LAD1: variants seen among roughly 807,000 people sequenced by gnomAD.
LAD1 encodes the protein ladinin 1, also known as ladinin-1.
In LAD1, 53 loss-of-function variants were observed where a neutral mutation model predicts 54.2. The ratio of observed to expected loss-of-function variants is 0.98; its 90% confidence interval spans 0.78 to 1.23. LAD1 has a LOEUF of 1.23. LAD1 is among the 50% of genes most tolerant of loss of function. LAD1 has a pLI of 0.00. For synonymous variants in LAD1, 231 were observed against 257.7 expected (o/e 0.90, Z 0.99); for missense variants, 637 against 653.3 (o/e 0.98, Z 0.27).
chr1:201,385,673 C>T (rs372987032), intron 4 of LAD1, 28 bp downstream of exon 4: 63 of 1,546,572 alleles, frequency 4.1e-5, no homozygotes, highest in South Asian at 3.5e-4. Context: ...TCCAGTGGCT[C>T]GCAGACCAGG....
chr1:201,388,155 T>G (rs921392897), intron 2 of LAD1, among the ~76,000 whole-genome samples: 2 of 152,206 alleles, frequency 1.3e-5, no homozygotes, highest in African/African-American at 2.4e-5. Context: ...CACTGGGAAG[T>G]TGAGGCTGGT....
intron 1 of LAD1, among the ~76,000 whole-genome samples, chr1:201,390,875 C>G (rs536341992): frequency 1.1e-4 from 17 of 152,260 alleles, no homozygotes; most frequent in Non-Finnish European, 2.4e-4. Flanking sequence ...CCTCCATCAC[C>G]GGGGGTGACT....
chr1:201,382,969 T>A lies in LAD1; in HGVS notation c.1386+105A>T, dbSNP rs898604385. 5 of 1,356,984 alleles carry A rather than the reference T, an allele frequency of 3.7e-6. No individual in the cohort carries two copies. In the African/African-American group the frequency reaches 7.4e-5, roughly 20 times the overall value. 84.1% of individuals were successfully genotyped at this position (1,356,984 alleles called of 1,614,324 possible). A position where few individuals can be genotyped will look rare whatever the true frequency, so the allele number is the denominator to read the frequency against. On this transcript the variant is annotated intron_variant, in intron 7 of 9. Coordinates refer to ENST00000391967, the MANE Select transcript of LAD1 (RefSeq NM_005558.4). ...CAAATGGAGGTTCTGCCAACATTAA[T>A]TGACACATGAAAACAGTTTTCTAGC...
Position 201,386,554 on chromosome 1 carries a change from T to G in LAD1, c.807A>C (p.Ser269=), listed in dbSNP as rs977499811. 3 of 1,613,368 alleles carry G rather than the reference T, an allele frequency of 1.9e-6. No homozygotes were observed. The highest frequency in any genetic ancestry group is 2.5e-6 in the Non-Finnish European group (3 of 1,179,770). Reference sequence around the variant, plus strand: ...TAGCATCTGCAGTTGGGCTCTTCTCTGAGGCCAGTGCCTTCTCAAAGATGG... The same window carrying G: ...TAGCATCTGCAGTTGGGCTCTTCTCGGAGGCCAGTGCCTTCTCAAAGATGG... ...KASIFEKALA[S]EKSPTADAKP... The change falls in exon 3 of 10, where the codon TCA becomes TCC. Residue 269 remains serine (S), a synonymous_variant. Transcript: ENST00000391967.
rs1309081413 is a variant in LAD1, at chr1:201,387,234, T to TA, written c.183-57dup. The stretch of plus-strand genomic sequence containing the variant: ...GGATAGAGGTGGAAGATACCCTAAG[T>TA]ATACCTAACCCAATGGAGATGCTGC... On this transcript the variant is annotated intron_variant, in intron 2 of 9. Transcript: ENST00000391967. 1.3e-4 allele frequency: 186 copies of TA among 1,451,248 alleles called. No individual in the cohort carries two copies. The Middle Eastern group carries it at 3.8e-3, about 30-fold the overall frequency. The allele number at this position is 1,451,248 out of a possible 1,614,324, so 89.9% of individuals were successfully genotyped here. A position where few individuals can be genotyped will look rare whatever the true frequency, so the allele number is the denominator to read the frequency against.
chr1:201,389,183 G>T lies in LAD1; in HGVS notation c.159C>A (p.Asp53Glu), dbSNP rs747881720. The T allele has an allele frequency of 6.2e-7, 1 of 1,614,176 alleles. No individual in the cohort carries two copies. The highest frequency in any genetic ancestry group is 8.5e-7 in the Non-Finnish European group (1 of 1,179,986). Reference protein sequence around the residue: ...DEAPRLSQNGDRQASASERLP... With the variant: ...DEAPRLSQNGERQASASERLP... ...ACCTCTCAGAAGCAGAGGCCTGCCG[G>T]TCTCCATTCTGGCTGAGCCTGGGAG... Residue 53 changes from aspartate to glutamate, a missense_variant, in exon 2 of 10, where the codon GAC (aspartate) becomes GAA (glutamate). Physicochemically the swap from Asp to Glu is conservative, Grantham distance 45. Transcript: ENST00000391967.
chr1:201,383,194 C>T lies in LAD1; in HGVS notation c.1266G>A (p.Lys422=), dbSNP rs201909245. The part of the protein sequence containing the change: ...HTAIRRSESV[K]SRGLPCTELF... Reference sequence around the variant, plus strand: ...ACTCAGTGCAAGGCAGACCCCGAGACTTGACAGATTCTGATCTCTGGGAAC... The same window carrying T: ...ACTCAGTGCAAGGCAGACCCCGAGATTTGACAGATTCTGATCTCTGGGAAC... The change falls in exon 7 of 10, where the codon AAG becomes AAA. Residue 422 remains lysine (K), a synonymous_variant. Coordinates refer to ENST00000391967, the MANE Select transcript of LAD1 (RefSeq NM_005558.4). 5 of 1,613,902 alleles carry T rather than the reference C, an allele frequency of 3.1e-6. No homozygotes were observed. In the African/African-American group the frequency reaches 6.7e-5, roughly 22 times the overall value.
chr1:201,393,087 G>T (rs1662224008), intron 1 of LAD1, among the ~76,000 whole-genome samples: 1 of 152,200 alleles, frequency 6.6e-6, no homozygotes, highest in African/African-American at 2.4e-5. Context: ...AAGACCAGGG[G>T]AGGAAGGAGT....
At chr1:201,385,084 G>A (rs1043597431) in intron 4 of LAD1, among the ~76,000 whole-genome samples, 4 of 152,202 alleles carry the variant, frequency 2.6e-5, no homozygotes, top group Admixed American at 2.6e-4. Context: ...TTCCTTCGCA[G>A]GGCACCTGTA....
intron 1 of LAD1, among the ~76,000 whole-genome samples, chr1:201,390,043 C>T (rs950889890): frequency 1.3e-5 from 2 of 151,684 alleles, no homozygotes; most frequent in African/African-American, 4.8e-5. Context: ...CCTCAGCCTC[C>T]TGAGTAGCTA....
At chr1:201,392,790 G>GAA (rs11439879) in intron 1 of LAD1, among the ~76,000 whole-genome samples, 36 of 147,156 alleles carry the variant, frequency 2.4e-4, no homozygotes, top group Admixed American at 6.8e-4. Context: ...GCTGCTGTAT[G>GAA]AAAAAAAAAA....
chr1:201,387,248 T>C, intron 2 of LAD1, 70 bp from the exon 3 acceptor site: 1 of 1,394,530 alleles, frequency 7.2e-7, no homozygotes, highest in South Asian at 2.1e-5. Flanking sequence ...CCTAACCCAA[T>C]GGAGATGCTG....
intron 1 of LAD1, among the ~76,000 whole-genome samples, chr1:201,395,257 G>A (rs1662268824): frequency 6.6e-6 from 1 of 152,178 alleles, no homozygotes. Context: ...GGAGGGAAGG[G>A]CAAAGCCCAG....
At chr1:201,388,319 C>T (rs1012696351) in intron 2 of LAD1, among the ~76,000 whole-genome samples, 3 of 151,334 alleles carry the variant, frequency 2.0e-5, no homozygotes, top group Admixed American at 6.6e-5. Flanking sequence ...ACCTGGGAGG[C>T]GGAGGTTGCA....
chr1:201,382,498 C>T (rs1661982857), intron 8 of LAD1, among the ~76,000 whole-genome samples, 155 bp downstream of exon 8: 2 of 150,702 alleles, frequency 1.3e-5, no homozygotes, highest in Admixed American at 1.3e-4. Flanking sequence ...CCCATCTATT[C>T]CCGACTGCCT....
At position 201,389,261 on chromosome 1, in the gene LAD1, C is replaced by T. The variant is rs763530577; in HGVS notation, c.81G>A (p.Glu27=). ...TGCGGTGCCGCCGCCTGCGCTCGCGCTCCTGTTCCTCCTCATCCTCCAGAG... is the reference window on the plus strand; with the variant it reads ...TGCGGTGCCGCCGCCTGCGCTCGCGTTCCTGTTCCTCCTCATCCTCCAGAG... ...QRTLEDEEEQ[E]RERRRRHRNL... Residue 27 remains glutamate (E), a synonymous_variant, in exon 2 of 10, where the codon GAG becomes GAA. Coordinates refer to ENST00000391967, the MANE Select transcript of LAD1 (RefSeq NM_005558.4). 20 of 1,613,840 alleles carry T rather than the reference C, an allele frequency of 1.2e-5. No homozygotes were observed. Among genetic ancestry groups the T allele is most frequent in the Middle Eastern group, 1.6e-4 (1 of 6,078 alleles).
chr1:201,398,869 G>T (rs914591446), intron 1 of LAD1, among the ~76,000 whole-genome samples: 3 of 152,174 alleles, frequency 2.0e-5, no homozygotes, highest in African/African-American at 7.2e-5. Flanking sequence ...CACCTCCCAG[G>T]GGTCCTCTCC....
In LAD1 at chr1:201,382,237, C is replaced by T; in HGVS notation, c.1548+15G>A. The T allele has an allele frequency of 6.2e-7, 1 of 1,609,026 alleles. No individual in the cohort carries two copies. Among genetic ancestry groups the T allele is most frequent in the South Asian group, 1.1e-5 (1 of 90,954 alleles). ...GGCCCTCCGCCGTAGGGCCAGGCTC[C>T]TCCCCACCATTCACCTCAGCGTCCA... On this transcript the variant is annotated intron_variant, in intron 9 of 9. Transcript: ENST00000391967.
chr1:201,385,833 A>C (rs1662071530), intron 3 of LAD1, 28 bp from the exon 4 acceptor site: 2 of 1,547,216 alleles, frequency 1.3e-6, no homozygotes, highest in African/African-American at 2.7e-5. Flanking sequence ...AGTGTCACAT[A>C]AGAGGTCTAG....
Sources: allele counts gnomAD v4.1 joint callset (sites outside exome capture counted in the v4.1 genomes callset), GRCh38; gene constraint gnomAD v4.1.1; transcripts MANE v1.5; gene names NCBI Gene and HGNC (gene_info 2026-07-23, HGNC 2026-07-21).